Variants in MCTP1 observed in about 807,000 individuals in gnomAD.
MCTP1 encodes the protein multiple C2 and transmembrane domain-containing protein 1.
In MCTP1, 69 loss-of-function variants were observed where a neutral mutation model predicts 120.6. That is an observed-to-expected ratio of 0.57 (90% confidence interval 0.47 to 0.70). The LOEUF (loss-of-function observed/expected upper bound fraction) is 0.70. Among genes scored for constraint, MCTP1 ranks in the 30% least tolerant of loss-of-function variants. The pLI is 0.00. For synonymous variants in MCTP1, 529 were observed against 493.1 expected, an observed-to-expected ratio of 1.07 and a Z score of -0.96; for missense variants, 1,203 against 1,248.8, an observed-to-expected ratio of 0.96 and a Z score of 0.55.
chr5:95,168,248 G>A (rs1746703424), intron 1 of MCTP1, among the ~76,000 whole-genome samples: 1 of 152,104 alleles, frequency 6.6e-6, no homozygotes, highest in African/African-American at 2.4e-5. Flanking sequence ...CTGTTCCATT[G>A]GTTTATTTCT....
At chr5:94,934,724 C>A (rs1815720382) in intron 5 of MCTP1, among the ~76,000 whole-genome samples, 1 of 134,324 alleles carries the variant, frequency 7.4e-6, no homozygotes. Context: ...CAAAACTAAT[C>A]CAAGATAAAG....
chr5:94,707,508 G>A lies in MCTP1; in HGVS notation c.2988C>T (p.Asn996=), dbSNP rs570019075. Reference sequence around the variant, plus strand: ...TGCTGGGAGCTGGCTAGCCAAGATTGTTTTTCTTTCTTTTATATGGGCTAT... The same window carrying A: ...TGCTGGGAGCTGGCTAGCCAAGATTATTTTTCTTTCTTTTATATGGGCTAT... ...PSHSPYKRKK[N]NLG is the part of the protein sequence containing the mutation. The change falls in exon 23 of 23, where the codon AAC becomes AAT. Residue 996 remains asparagine (N), a synonymous_variant. Coordinates refer to ENST00000515393, the MANE Select transcript of MCTP1 (RefSeq NM_024717.7). 9.3e-6 allele frequency: 15 copies of A among 1,611,364 alleles called. No homozygotes were observed. The South Asian group carries it at 1.1e-4, about 12-fold the overall frequency.
chr5:95,140,906 T>G (rs372092009), intron 1 of MCTP1, among the ~76,000 whole-genome samples: 1,527 of 110,172 alleles, frequency 0.014, 26 homozygotes, highest in African/African-American at 0.047. Flanking sequence ...AAAAAAAAAG[T>G]GCCATTTAAC....
chr5:95,178,970 G>A (rs1748318522), intron 1 of MCTP1, among the ~76,000 whole-genome samples: 1 of 152,076 alleles, frequency 6.6e-6, no homozygotes, highest in Non-Finnish European at 1.5e-5. Flanking sequence ...GAAATAGATA[G>A]CATAAATAAA....
intron 1 of MCTP1, among the ~76,000 whole-genome samples, chr5:95,197,381 C>T (rs1287150343): frequency 6.6e-6 from 1 of 152,096 alleles, no homozygotes; most frequent in African/African-American, 2.4e-5. Context: ...TAGAAATCCC[C>T]ACTTAGGTGG....
chr5:95,131,146 CAAAT>C (rs2152423697), intron 1 of MCTP1, among the ~76,000 whole-genome samples: 1 of 152,196 alleles, frequency 6.6e-6, no homozygotes, highest in South Asian at 2.1e-4. Flanking sequence ...AACAGAGCAA[CAAAT>C]AGAGTGCTTT....
At chr5:95,006,010 A>C (rs1481675307) in intron 2 of MCTP1, among the ~76,000 whole-genome samples, 1 of 152,130 alleles carries the variant, frequency 6.6e-6, no homozygotes, top group East Asian at 1.9e-4. Context: ...ACAAAGACTG[A>C]GACAAGTTTC....
At chr5:94,707,830 A>ATGGT (rs1755102788) in intron 22 of MCTP1, among the ~76,000 whole-genome samples, 1 of 151,896 alleles carries the variant, frequency 6.6e-6, no homozygotes, top group African/African-American at 2.4e-5. Context: ...AAGTAAAACC[A>ATGGT]TCTACATCAA....
chr5:94,917,367 C>A (rs1387136320), intron 8 of MCTP1, among the ~76,000 whole-genome samples: 1 of 152,172 alleles, frequency 6.6e-6, no homozygotes, highest in Non-Finnish European at 1.5e-5. Flanking sequence ...AAAAAACCAA[C>A]CTTGTTCTTC....
intron 3 of MCTP1, among the ~76,000 whole-genome samples, chr5:94,951,167 T>A (rs1286258462): frequency 6.6e-6 from 1 of 152,182 alleles, no homozygotes; most frequent in Non-Finnish European, 1.5e-5. Flanking sequence ...TCTATGCCCA[T>A]GTGTGCACAT....
chr5:94,765,153 T>A (rs1256083270), intron 19 of MCTP1, among the ~76,000 whole-genome samples: 1 of 151,994 alleles, frequency 6.6e-6, no homozygotes, highest in Non-Finnish European at 1.5e-5. Flanking sequence ...AACAATTGGG[T>A]CAATGAAGTC....
chr5:94,935,103 G>C (rs1759361626), intron 5 of MCTP1, among the ~76,000 whole-genome samples: 1 of 151,792 alleles, frequency 6.6e-6, no homozygotes. Context: ...TTGGTTTCTT[G>C]TACACACAAT....
intron 1 of MCTP1, among the ~76,000 whole-genome samples, chr5:95,056,564 C>T (rs576473293): frequency 5.5e-4 from 84 of 152,238 alleles, no homozygotes; most frequent in African/African-American, 1.8e-3. Flanking sequence ...ATGTAATTTT[C>T]ACCTTATCTT....
intron 17 of MCTP1, among the ~76,000 whole-genome samples, chr5:94,832,469 G>A (rs1029465283): frequency 2.0e-5 from 3 of 152,142 alleles, no homozygotes; most frequent in Admixed American, 6.5e-5. Flanking sequence ...TTTGATCGAC[G>A]ATGTGAACAT....
intron 1 of MCTP1, among the ~76,000 whole-genome samples, chr5:95,100,244 G>A (rs900501580): frequency 2.6e-5 from 4 of 151,812 alleles, no homozygotes; most frequent in Non-Finnish European, 5.9e-5. Context: ...TGCACATTGT[G>A]CACATGTACC....
intron 2 of MCTP1, among the ~76,000 whole-genome samples, chr5:94,997,669 T>C (rs1832876450): frequency 6.6e-6 from 1 of 152,192 alleles, no homozygotes; most frequent in Non-Finnish European, 1.5e-5. Context: ...CATCAAATGG[T>C]ACATTTGTTA....
intron 2 of MCTP1, among the ~76,000 whole-genome samples, chr5:94,994,524 C>T (rs1347479966): frequency 6.6e-6 from 1 of 151,998 alleles, no homozygotes; most frequent in Non-Finnish European, 1.5e-5. Context: ...ATTTATTTAC[C>T]TATGTGTTAA....
chr5:95,087,512 C>T (rs1755521638), intron 1 of MCTP1, among the ~76,000 whole-genome samples: 1 of 152,144 alleles, frequency 6.6e-6, no homozygotes, highest in African/African-American at 2.4e-5. Flanking sequence ...TGGGAAGGGG[C>T]TAGATCTCTG....
At chr5:94,742,772 T>A (rs1765814105) in intron 19 of MCTP1, among the ~76,000 whole-genome samples, 1 of 152,180 alleles carries the variant, frequency 6.6e-6, no homozygotes, top group Non-Finnish European at 1.5e-5. Flanking sequence ...GGAAGTAAAG[T>A]CTATGTTCCT....
Sources: allele counts gnomAD v4.1 joint callset (sites outside exome capture counted in the v4.1 genomes callset), GRCh38; gene constraint gnomAD v4.1.1; transcripts MANE v1.5; gene names NCBI Gene and HGNC (gene_info 2026-07-23, HGNC 2026-07-21).